The following IL1RAPL2 variants were observed in gnomAD, a reference collection of about 807,000 sequenced individuals.
IL1RAPL2 encodes X-linked interleukin-1 receptor accessory protein-like 2.
In IL1RAPL2, 3 loss-of-function variants were observed where a neutral mutation model predicts 44.1. The observed-to-expected ratio is 0.07, with a 90% confidence interval of 0.03 to 0.18. The LOEUF (loss-of-function observed/expected upper bound fraction) is 0.18, where lower values mean the gene tolerates loss of function less well. Among genes scored for constraint, IL1RAPL2 ranks in the 10% least tolerant of loss-of-function variants. The pLI is 1.00. For synonymous variants in IL1RAPL2, 181 were observed against 178.8 expected, an observed-to-expected ratio of 1.01 and a Z score of -0.10; for missense variants, 391 against 496.4, an observed-to-expected ratio of 0.79 and a Z score of 2.02.
chrX:105,196,008 G>A (rs781891552), intron 3 of IL1RAPL2, among the ~76,000 whole-genome samples: 2 of 111,697 alleles, frequency 1.8e-5, no homozygotes, highest in African/African-American at 6.5e-5. Flanking sequence ...CGGGCCGGGC[G>A]CAGTGGCTCA....
chrX:105,203,566 T>G, intron 3 of IL1RAPL2, among the ~76,000 whole-genome samples: 1 of 112,103 alleles, frequency 8.9e-6, no homozygotes, highest in East Asian at 2.8e-4. Context: ...TCCTCTCCAC[T>G]TATTCTCTAG....
At chrX:105,327,799 A>T (rs2034952422) in intron 5 of IL1RAPL2, among the ~76,000 whole-genome samples, 1 of 111,875 alleles carries the variant, frequency 8.9e-6, no homozygotes, top group South Asian at 3.7e-4. Context: ...ATGTAGGTAG[A>T]GTAGGGGGCT....
At chrX:105,729,730 A>G (rs2038384491) in intron 7 of IL1RAPL2, among the ~76,000 whole-genome samples, 3 of 110,213 alleles carry the variant, frequency 2.7e-5, no homozygotes, top group African/African-American at 6.6e-5. Flanking sequence ...TGTTTTTTTC[A>G]TGGACTACAT....
chrX:104,785,204 C>T (rs749938893), intron 2 of IL1RAPL2, among the ~76,000 whole-genome samples: 25 of 110,304 alleles, frequency 2.3e-4, no homozygotes, highest in African/African-American at 4.6e-4. Context: ...GGTAGAGACA[C>T]GGGATTTCTC....
intron 2 of IL1RAPL2, among the ~76,000 whole-genome samples, chrX:104,897,696 A>G (rs1328003609): frequency 8.9e-6 from 1 of 112,250 alleles, no homozygotes; most frequent in Non-Finnish European, 1.9e-5. Context: ...AGAAATCAGA[A>G]GATCTACTTT....
At chrX:105,148,629 G>A (rs2033199561) in intron 2 of IL1RAPL2, among the ~76,000 whole-genome samples, 2 of 111,558 alleles carry the variant, frequency 1.8e-5, no homozygotes, top group Admixed American at 1.9e-4. Flanking sequence ...TCCATTCATG[G>A]ATTTAAAATT....
At chrX:104,965,707 A>T (rs2030107256) in intron 2 of IL1RAPL2, among the ~76,000 whole-genome samples, 1 of 112,000 alleles carries the variant, frequency 8.9e-6, no homozygotes, top group Non-Finnish European at 1.9e-5. Context: ...AGAATCAGAA[A>T]CATGAATGAA....
chrX:105,484,858 C>A (rs973481125), intron 6 of IL1RAPL2, among the ~76,000 whole-genome samples: 2 of 111,528 alleles, frequency 1.8e-5, no homozygotes, highest in African/African-American at 6.5e-5. Context: ...AGGTTGGGAT[C>A]CTGAATATTT....
At chrX:105,143,274 A>G (rs1199963800) in intron 2 of IL1RAPL2, among the ~76,000 whole-genome samples, 1 of 112,007 alleles carries the variant, frequency 8.9e-6, no homozygotes, top group Non-Finnish European at 1.9e-5. Context: ...CCCATCAAAA[A>G]GTGGGCAAAG....
At chrX:105,393,944 T>C (rs367607790) in intron 5 of IL1RAPL2, among the ~76,000 whole-genome samples, 198 of 112,236 alleles carry the variant, frequency 1.8e-3, no homozygotes, top group African/African-American at 6.1e-3. Flanking sequence ...TAATCAAAGG[T>C]CTTTAACAAG....
chrX:104,972,733 A>G (rs2030260512), intron 2 of IL1RAPL2, among the ~76,000 whole-genome samples: 2 of 112,106 alleles, frequency 1.8e-5, no homozygotes, highest in Non-Finnish European at 3.8e-5. Flanking sequence ...TCTACACCCA[A>G]CAAGAACAAA....
At chrX:105,640,691 T>TATATATATAC (rs1205790339) in intron 6 of IL1RAPL2, among the ~76,000 whole-genome samples, 4 of 76,046 alleles carry the variant, frequency 5.3e-5, no homozygotes, top group Non-Finnish European at 7.8e-5. Context: ...TATATATATA[T>TATATATATAC]ACACACACAT....
At chrX:105,292,858 A>C (rs189629992) in intron 5 of IL1RAPL2, among the ~76,000 whole-genome samples, 518 of 110,908 alleles carry the variant, frequency 4.7e-3, no homozygotes, top group Non-Finnish European at 8.3e-3. Flanking sequence ...TCACACCTGT[A>C]ATCCCAGCAC....
At chrX:104,788,136 A>T (rs981002405) in intron 2 of IL1RAPL2, among the ~76,000 whole-genome samples, 9 of 112,359 alleles carry the variant, frequency 8.0e-5, no homozygotes, top group African/African-American at 2.9e-4. Flanking sequence ...GGCTTTCACC[A>T]ATTCAGGGCT....
At chrX:104,718,056 A>C (rs1014803250) in intron 2 of IL1RAPL2, among the ~76,000 whole-genome samples, 2 of 111,215 alleles carry the variant, frequency 1.8e-5, no homozygotes, top group Non-Finnish European at 3.8e-5. Flanking sequence ...ATAGTGCCAC[A>C]ATAAACATAT....
At chrX:105,753,343 G>A (rs897529253) in intron 9 of IL1RAPL2, among the ~76,000 whole-genome samples, 4 of 111,855 alleles carry the variant, frequency 3.6e-5, no homozygotes, top group Non-Finnish European at 7.5e-5. Flanking sequence ...ATCAAAGTCA[G>A]AGAGAGTAAC....
At chrX:104,941,561 G>C (rs1166945467) in intron 2 of IL1RAPL2, among the ~76,000 whole-genome samples, 1 of 111,343 alleles carries the variant, frequency 9.0e-6, no homozygotes, top group African/African-American at 3.3e-5. Flanking sequence ...ATTTTTTCTT[G>C]TAAATTTGTT....
At chrX:104,627,920 GAA>G (rs772273871) in intron 1 of IL1RAPL2, among the ~76,000 whole-genome samples, 1 of 108,094 alleles carries the variant, frequency 9.3e-6, no homozygotes, top group South Asian at 3.9e-4. Flanking sequence ...TCATTGAAAA[GAA>G]AAAAAAATCT....
chrX:105,726,153 A>T (rs2038349651), intron 7 of IL1RAPL2, among the ~76,000 whole-genome samples: 1 of 112,035 alleles, frequency 8.9e-6, no homozygotes, highest in African/African-American at 3.2e-5. Flanking sequence ...ACCTATAATT[A>T]GTAAATAATA....
Sources: gnomAD v4.1 joint callset for allele counts (sites outside exome capture counted in the v4.1 genomes callset) on GRCh38, gnomAD v4.1.1 for gene constraint, MANE v1.5 for transcripts, NCBI Gene and HGNC (gene_info 2026-07-23, HGNC 2026-07-21) for gene names.